The following KIAA1217 variants were observed in gnomAD, a reference collection of about 807,000 sequenced individuals.
KIAA1217 encodes KIAA1217.
In KIAA1217, 88 loss-of-function variants were observed where a neutral mutation model predicts 163.9. The ratio of observed to expected loss-of-function variants is 0.54; its 90% CI spans 0.45 to 0.64. The LOEUF (loss-of-function observed/expected upper bound fraction) is 0.64, where lower values mean the gene tolerates loss of function less well. Ranked by LOEUF, KIAA1217 falls within the 30% of genes least tolerant of loss-of-function variation. The pLI, the probability that KIAA1217 is intolerant of heterozygous loss-of-function variation, is 0.00. For synonymous variants in KIAA1217, 903 were observed against 923.1 expected (o/e 0.98, Z 0.39); for missense variants, 2,372 against 2,475.0 (o/e 0.96, Z 0.88).
intron 11 of KIAA1217, 117 bp from the exon 12 acceptor site, chr10:24,521,665 G>C: frequency 1.6e-6 from 2 of 1,255,976 alleles, no homozygotes; most frequent in Non-Finnish European, 2.2e-6. Flanking sequence ...CTGAAGATGT[G>C]TGAGCCACCC....
intron 2 of KIAA1217, among the ~76,000 whole-genome samples, chr10:24,341,083 A>G (rs1451086587): frequency 6.6e-6 from 1 of 152,178 alleles, no homozygotes; most frequent in Non-Finnish European, 1.5e-5. Context: ...CCAAGTCCAT[A>G]TGGATTAGAT....
chr10:23,908,888 T>G (rs1306200939), intron 1 of KIAA1217, among the ~76,000 whole-genome samples: 4 of 152,060 alleles, frequency 2.6e-5, no homozygotes, highest in African/African-American at 9.7e-5. Context: ...CGTTACTGGG[T>G]GTATACCTTG....
intron 1 of KIAA1217, among the ~76,000 whole-genome samples, chr10:23,733,564 T>C (rs184824562): frequency 4.6e-4 from 70 of 152,308 alleles, no homozygotes; most frequent in African/African-American, 1.6e-3. Context: ...AGGTAAATGC[T>C]ATGTAAATAG....
At chr10:24,001,592 A>G (rs147126650) in intron 1 of KIAA1217, among the ~76,000 whole-genome samples, 288 of 152,320 alleles carry the variant, frequency 1.9e-3, no homozygotes, top group African/African-American at 6.4e-3. Flanking sequence ...TTTTATTACC[A>G]TCATTATCAT....
rs371110913 is a variant in KIAA1217, at chr10:24,294,187, C to CAAAAAAAA, written c.354+74297_354+74304dup. Among the ~76,000 whole-genome samples, 16 of 55,074 alleles carry CAAAAAAAA rather than the reference C, an allele frequency of 2.9e-4. 1 individual carries two copies. Among genetic ancestry groups the CAAAAAAAA allele is most frequent in the African/African-American group, 4.7e-4 (6 of 12,780 alleles). The allele number at this position is 55,074 out of a possible 152,430, so 36.1% of individuals were successfully genotyped here. ...TGGGTGACAGAGCGAGACTCCGTCT[C>CAAAAAAAA]AAAAAAAAAAAAAAAAAAAAAAAAA... On this transcript the variant is annotated intron_variant, in intron 2 of 20. Transcript: ENST00000376454.
chr10:24,348,341 A>AATAAAATAAG (rs2048050507), intron 2 of KIAA1217, among the ~76,000 whole-genome samples: 1 of 151,926 alleles, frequency 6.6e-6, no homozygotes, highest in African/African-American at 2.4e-5. Flanking sequence ...CTGTCACAAA[A>AATAAAATAAG]ATAAAATAAA....
intron 5 of KIAA1217, among the ~76,000 whole-genome samples, chr10:24,441,759 T>G (rs1198388715): frequency 1.3e-5 from 2 of 152,190 alleles, no homozygotes; most frequent in Non-Finnish European, 2.9e-5. Context: ...GGGACTGAGC[T>G]CACCATATGG....
intron 2 of KIAA1217, among the ~76,000 whole-genome samples, chr10:24,010,430 TAA>T (rs1050846904): frequency 2.6e-5 from 4 of 151,744 alleles, no homozygotes; most frequent in Non-Finnish European, 5.9e-5. Context: ...TGTTTTAAAA[TAA>T]AAAGTTTTTT....
intron 2 of KIAA1217, chr10:24,275,822 A>T: frequency 2.1e-6 from 1 of 468,510 alleles, no homozygotes. Context: ...TTGGTTAATG[A>T]TAAAATTTTC....
intron 2 of KIAA1217, among the ~76,000 whole-genome samples, chr10:24,267,928 C>A (rs1037513250): frequency 6.6e-6 from 1 of 152,132 alleles, no homozygotes; most frequent in Non-Finnish European, 1.5e-5. Flanking sequence ...AATTTCATTT[C>A]CCATTATCTT....
intron 2 of KIAA1217, among the ~76,000 whole-genome samples, chr10:24,341,172 G>A (rs545472037): frequency 1.1e-4 from 16 of 152,224 alleles, no homozygotes; most frequent in South Asian, 2.1e-4. Flanking sequence ...CATTCTCCCC[G>A]GGCTGAAGTT....
chr10:23,899,490 T>C (rs1313001626), intron 1 of KIAA1217, among the ~76,000 whole-genome samples: 4 of 152,110 alleles, frequency 2.6e-5, no homozygotes, highest in Non-Finnish European at 5.9e-5. Context: ...AGAAGAAATA[T>C]AAGTCGAGGG....
chr10:23,927,084 T>C (rs1843052032), intron 1 of KIAA1217, among the ~76,000 whole-genome samples: 1 of 151,820 alleles, frequency 6.6e-6, no homozygotes, highest in African/African-American at 2.4e-5. Context: ...ATTTTTGTAT[T>C]TTTTGTAGAG....
At chr10:23,982,707 G>A (rs1407969757) in intron 1 of KIAA1217, among the ~76,000 whole-genome samples, 1 of 151,648 alleles carries the variant, frequency 6.6e-6, no homozygotes, top group East Asian at 1.9e-4. Context: ...GGGATTACAG[G>A]CACCCGCCAC....
intron 2 of KIAA1217, among the ~76,000 whole-genome samples, chr10:24,078,151 A>G (rs1295249570): frequency 6.6e-6 from 1 of 152,182 alleles, no homozygotes; most frequent in East Asian, 1.9e-4. Flanking sequence ...CTGTAAAACT[A>G]CCATTTAAAA....
In KIAA1217 at chr10:23,755,766, A is replaced by T. The variant is rs907800977; in HGVS notation, c.-321+60532A>T. Among the ~76,000 whole-genome samples, 10 of 152,294 alleles carry T rather than the reference A, an allele frequency of 6.6e-5. No individual in the cohort carries two copies. In the South Asian group the frequency reaches 1.2e-3, roughly 19 times the overall value. On this transcript the variant is annotated intron_variant, in intron 1 of 18. Coordinates refer to the KIAA1217 transcript ENST00000376462. ...AGCCTGCTGAACAGGTTGCGAGCTA[A>T]TAATTACAAGAATCCAGTTAACCTC... is the stretch of plus-strand genomic sequence containing the variant.
At chr10:24,041,474 T>C (rs1431869309) in intron 2 of KIAA1217, among the ~76,000 whole-genome samples, 4 of 152,162 alleles carry the variant, frequency 2.6e-5, no homozygotes, top group African/African-American at 9.7e-5. Context: ...CTTTAAAAGG[T>C]AAAATAATTT....
intron 1 of KIAA1217, among the ~76,000 whole-genome samples, chr10:24,216,253 G>A (rs1442627937): frequency 2.6e-5 from 4 of 152,158 alleles, no homozygotes; most frequent in Non-Finnish European, 2.9e-5. Context: ...TGTCCCGGCT[G>A]TCTTGAACTC....
intron 2 of KIAA1217, among the ~76,000 whole-genome samples, chr10:24,100,764 AG>A (rs2062381935): frequency 6.6e-6 from 1 of 152,244 alleles, no homozygotes; most frequent in South Asian, 2.1e-4. Flanking sequence ...TTTATTATTT[AG>A]ATCTTAATTA....
Sources: gnomAD v4.1 joint callset for allele counts (sites outside exome capture counted in the v4.1 genomes callset) on GRCh38, gnomAD v4.1.1 for gene constraint, MANE v1.5 for transcripts, NCBI Gene and HGNC (gene_info 2026-07-23, HGNC 2026-07-21) for gene names.